The following ITGB5 variants were observed in gnomAD, a reference collection of about 807,000 sequenced individuals.
The protein encoded by ITGB5 is integrin beta-5.
A neutral mutation model predicts 84.8 loss-of-function variants in ITGB5; 38 were observed. The ratio of observed to expected loss-of-function variants is 0.45; its 90% confidence interval spans 0.35 to 0.59. The LOEUF (loss-of-function observed/expected upper bound fraction) is 0.59, where lower values mean the gene tolerates loss of function less well. ITGB5 is among the 20% of genes least tolerant of loss of function. The pLI, the probability that ITGB5 is intolerant of heterozygous loss-of-function variation, is 0.01. For synonymous variants in ITGB5, 393 were observed against 414.4 expected, an observed-to-expected ratio of 0.95 and a Z score of 0.63; for missense variants, 905 against 1,034.5, an observed-to-expected ratio of 0.87 and a Z score of 1.72.
Position 124,796,665 on chromosome 3 carries a change from G to C in ITGB5, c.1416C>G (p.Asn472Lys). 1.2e-6 allele frequency: 2 copies of C among 1,614,066 alleles called. No individual in the cohort carries two copies. Among genetic ancestry groups the C allele is most frequent in the Non-Finnish European group, 8.5e-7 (1 of 1,180,022 alleles). ...TCCCGCTCCCGTTGCACCTGGCGCT[G>C]TTGGGTTCCAGCCCCACGCTGCAGC... ...TCGCSVGLEP[N>K]SARCNGSGTY... The change falls in exon 10 of 15, where the codon AAC becomes AAG. Residue 472 changes from asparagine to lysine, a missense_variant. Asn to Lys is a moderately conservative substitution (Grantham distance 94, BLOSUM62 0). Around this residue, in one of 3 missense-constraint regions of ITGB5, gnomAD observed 656 missense variants for 734.7 expected, o/e 0.89. Transcript: ENST00000296181.
intron 1 of ITGB5, among the ~76,000 whole-genome samples, chr3:124,875,969 G>T (rs1207579133): frequency 6.6e-6 from 1 of 152,176 alleles, no homozygotes; most frequent in Admixed American, 6.5e-5. Flanking sequence ...GAGTAAAATG[G>T]TGGTTGCCAT....
At chr3:124,798,919 T>C (rs1014135367) in intron 9 of ITGB5, among the ~76,000 whole-genome samples, 4 of 152,336 alleles carry the variant, frequency 2.6e-5, no homozygotes, top group Admixed American at 2.0e-4. Context: ...CAGAAAGTCC[T>C]GCGTGGCAGC....
chr3:124,785,783 T>A (rs528437139), intron 10 of ITGB5, among the ~76,000 whole-genome samples: 1 of 152,228 alleles, frequency 6.6e-6, no homozygotes, highest in East Asian at 1.9e-4. Flanking sequence ...GTCTGACATA[T>A]CCTTATGTAA....
In ITGB5 at chr3:124,768,202, T is replaced by C. The variant is rs927256454; in HGVS notation, c.2017+811A>G. Among the ~76,000 whole-genome samples the C allele has an allele frequency of 4.6e-5, 7 of 152,154 alleles. No individual in the cohort carries two copies. In the South Asian group the frequency reaches 1.2e-3, roughly 27 times the overall value. ...GCCAGGAGTTTGCAGAAGCCAGAGG[T>C]GAAGATAGAGGGGAAGCCTGCCAGT... On this transcript the variant is annotated intron_variant, in intron 12 of 14. Transcript: ENST00000296181.
upstream of ITGB5, among the ~76,000 whole-genome samples, chr3:124,890,222 G>T (rs1387480150): frequency 5.7e-5 from 3 of 52,832 alleles, no homozygotes; most frequent in Non-Finnish European, 3.5e-5. Context: ...TTTTTTTTTG[G>T]AGACGGAGTC....
At chr3:124,863,838 A>G (rs1006214346) in intron 2 of ITGB5, among the ~76,000 whole-genome samples, 5 of 152,092 alleles carry the variant, frequency 3.3e-5, no homozygotes, top group African/African-American at 4.8e-5. Context: ...TTGAACAAGG[A>G]TAGATGCATA....
At chr3:124,832,369 G>T (rs1289680940) in intron 5 of ITGB5, among the ~76,000 whole-genome samples, 1 of 152,172 alleles carries the variant, frequency 6.6e-6, no homozygotes, top group Non-Finnish European at 1.5e-5. Context: ...AAAACTTTGG[G>T]GAAGTTACTT....
At position 124,868,618 on chromosome 3, in the gene ITGB5, CAAAAAAAA is replaced by C. The variant is rs67873873; in HGVS notation, c.156+4820_156+4827del. 1.3e-3 allele frequency among the ~76,000 whole-genome samples: 87 copies of C among 68,166 alleles called. No individual in the cohort carries two copies. The East Asian group carries it at 0.028, about 22-fold the overall frequency. The allele number at this position is 68,166 out of a possible 152,430, so 44.7% of individuals were successfully genotyped here. On this transcript the variant is annotated intron_variant, in intron 2 of 14. Coordinates refer to ENST00000296181, the MANE Select transcript of ITGB5 (RefSeq NM_002213.5). ...CAACATAGTGAGACCTGTTCTCTAC[CAAAAAAAA>C]AAAAAAAAAAAAAAAAATCAAAAAC... is the stretch of plus-strand genomic sequence containing the variant.
chr3:124,768,932 C>A, intron 12 of ITGB5, 81 bp downstream of exon 12: 1 of 1,108,094 alleles, frequency 9.0e-7, no homozygotes, highest in South Asian at 1.4e-5. Context: ...TGGGCAGTGC[C>A]TCCTGACTCA....
intron 9 of ITGB5, 129 bp from the exon 10 acceptor site, chr3:124,796,946 C>G: frequency 2.4e-6 from 2 of 833,522 alleles, no homozygotes; most frequent in Non-Finnish European, 3.7e-6. Context: ...GGTAGAACCA[C>G]CAAGATGGCC....
chr3:124,824,783 G>C (rs937272880), intron 5 of ITGB5, among the ~76,000 whole-genome samples: 7 of 152,162 alleles, frequency 4.6e-5, no homozygotes, highest in African/African-American at 1.7e-4. Context: ...GCACACAAAA[G>C]GGTTCTCAAC....
At chr3:124,860,426 TG>T (rs1298564470) in intron 2 of ITGB5, among the ~76,000 whole-genome samples, 1 of 152,226 alleles carries the variant, frequency 6.6e-6, no homozygotes, top group Non-Finnish European at 1.5e-5. Flanking sequence ...AAAACATTTT[TG>T]TTTTTATCTT....
intron 1 of ITGB5, among the ~76,000 whole-genome samples, chr3:124,900,538 T>C (rs1935195056): frequency 6.6e-6 from 1 of 152,212 alleles, no homozygotes; most frequent in South Asian, 2.1e-4. Flanking sequence ...ATGAGGCCTT[T>C]GATGGTTTGC....
At chr3:124,772,589 G>A (rs1371747903) in intron 11 of ITGB5, among the ~76,000 whole-genome samples, 3 of 152,234 alleles carry the variant, frequency 2.0e-5, no homozygotes, top group Non-Finnish European at 4.4e-5. Flanking sequence ...TCCTTAGCAT[G>A]GGTAATGATG....
At chr3:124,834,971 T>G (rs1044322691) in intron 5 of ITGB5, among the ~76,000 whole-genome samples, 17 of 152,084 alleles carry the variant, frequency 1.1e-4, no homozygotes, top group Admixed American at 1.1e-3. Context: ...AAATAAAAAA[T>G]TGACATTCTC....
At chr3:124,794,496 G>A (rs911300117) in intron 10 of ITGB5, among the ~76,000 whole-genome samples, 1 of 152,144 alleles carries the variant, frequency 6.6e-6, no homozygotes, top group Non-Finnish European at 1.5e-5. Flanking sequence ...GAACGAAAAG[G>A]TGGGCTGGGC....
At position 124,841,371 on chromosome 3, in the gene ITGB5, A is replaced by C. The variant is rs774283487; in HGVS notation, c.780+12T>G. On this transcript the variant is annotated intron_variant, in intron 5 of 14. Coordinates refer to ENST00000296181, the MANE Select transcript of ITGB5 (RefSeq NM_002213.5). ...CTCCCCATGCAGGGACAGGACCAGA[A>C]AGGAAAGTTACCTTGCAGACGGCTG... 3 of 1,612,354 alleles carry C rather than the reference A, an allele frequency of 1.9e-6. No homozygotes were observed. The highest frequency in any genetic ancestry group is 2.5e-6 in the Non-Finnish European group (3 of 1,179,126).
Position 124,801,824 on chromosome 3 carries a change from A to G in ITGB5, c.1264-5007T>C, listed in dbSNP as rs531322466. Among the ~76,000 whole-genome samples the G allele has an allele frequency of 1.3e-3, 191 of 152,278 alleles. 4 individuals carry two copies. In the South Asian group the frequency reaches 0.016, roughly 13 times the overall value. On this transcript the variant is annotated intron_variant, in intron 9 of 14. Transcript: ENST00000296181. ...CAGGTATATTTCACCACTGTGGCCC[A>G]AGCCAGCCACTCTCCCCTCCCTCCC...
chr3:124,780,412 AC>A (rs1481641947), intron 10 of ITGB5, among the ~76,000 whole-genome samples: 1 of 152,218 alleles, frequency 6.6e-6, no homozygotes, highest in African/African-American at 2.4e-5. Context: ...AACCAGGCAG[AC>A]GTCAGGCCCT....
Sources: gnomAD v4.1 joint callset for allele counts (sites outside exome capture counted in the v4.1 genomes callset) on GRCh38, gnomAD v4.1.1 for gene constraint, gnomAD v4.1.1 regional missense constraint, MANE v1.5 for transcripts, NCBI Gene and HGNC (gene_info 2026-07-23, HGNC 2026-07-21) for gene names.